The following NRXN1 variants were observed in gnomAD, a reference collection of about 807,000 sequenced individuals.
NRXN1 encodes neurexin 1.
NRXN1 carries 39 observed loss-of-function variants against 150.9 expected under a neutral mutation model. The observed-to-expected ratio is 0.26, with a 90% CI of 0.20 to 0.34. NRXN1 has a LOEUF of 0.34. Ranked by LOEUF, NRXN1 falls within the 10% of genes least tolerant of loss-of-function variation. The pLI is 1.00. For synonymous variants in NRXN1, 924 were observed against 757.0 expected (o/e 1.22, Z -3.62); for missense variants, 1,815 against 1,949.9 (o/e 0.93, Z 1.30).
intron 21 of NRXN1, among the ~76,000 whole-genome samples, chr2:49,987,400 A>G (rs1407461479): frequency 1.3e-5 from 2 of 152,194 alleles, no homozygotes; most frequent in Non-Finnish European, 2.9e-5. Context: ...CTCTGTTTTT[A>G]TAATATTTAG....
chr2:50,265,655 A>C (rs1574829113), intron 17 of NRXN1, among the ~76,000 whole-genome samples: 1 of 152,286 alleles, frequency 6.6e-6, no homozygotes, highest in East Asian at 1.9e-4. Context: ...ACATAGCACA[A>C]TTCTTCAGGT....
chr2:50,113,004 T>C (rs1283635348), intron 18 of NRXN1, among the ~76,000 whole-genome samples: 49 of 152,130 alleles, frequency 3.2e-4, no homozygotes, highest in Non-Finnish European at 2.9e-5. Flanking sequence ...CATTGCTCAT[T>C]ATCTCCAAAT....
chr2:50,637,069 T>C lies in NRXN1; in HGVS notation c.833-13454A>G, dbSNP rs545304748. On this transcript the variant is annotated intron_variant, in intron 5 of 22. Transcript: ENST00000401669. ...AGGAGCCCTAGGTTCAATTCCTCAC[T>C]TTATGGTTGGTGCTATATGTCCAAG... Among the ~76,000 whole-genome samples, 79 of 152,216 alleles carry C rather than the reference T, an allele frequency of 5.2e-4. 1 individual carries two copies. Among genetic ancestry groups the C allele is most frequent in the Admixed American group, 3.9e-3 (59 of 15,278 alleles).
At chr2:50,355,120 T>C (rs1204238449) in intron 17 of NRXN1, among the ~76,000 whole-genome samples, 1 of 152,028 alleles carries the variant, frequency 6.6e-6, no homozygotes, top group Non-Finnish European at 1.5e-5. Flanking sequence ...TGAATATATG[T>C]TGTAGAGCAT....
intron 18 of NRXN1, among the ~76,000 whole-genome samples, chr2:50,209,428 C>G (rs542365335): frequency 4.5e-4 from 68 of 152,222 alleles, no homozygotes; most frequent in Admixed American, 9.2e-4. Flanking sequence ...CAGTCTAACT[C>G]CATGACGTGG....
At chr2:50,178,563 G>C (rs1230527422) in intron 18 of NRXN1, among the ~76,000 whole-genome samples, 1 of 151,894 alleles carries the variant, frequency 6.6e-6, no homozygotes, top group Admixed American at 6.6e-5. Flanking sequence ...CATTAAACAG[G>C]GTTCAAAGGG....
intron 11 of NRXN1, chr2:50,528,995 G>A (rs749917187): frequency 3.4e-5 from 8 of 235,468 alleles, no homozygotes; most frequent in Non-Finnish European, 6.5e-5. Flanking sequence ...TCCGCAAAAT[G>A]TAAAAGTGCT....
At chr2:50,550,047 C>T (rs565718864) in intron 9 of NRXN1, among the ~76,000 whole-genome samples, 71 of 151,978 alleles carry the variant, frequency 4.7e-4, no homozygotes, top group Non-Finnish European at 8.7e-4. Context: ...TGAATACTTT[C>T]CTTTTTCTTT....
At chr2:50,408,246 A>T (rs2082895121) in intron 17 of NRXN1, among the ~76,000 whole-genome samples, 1 of 152,234 alleles carries the variant, frequency 6.6e-6, no homozygotes, top group African/African-American at 2.4e-5. Flanking sequence ...ATAGATTAAC[A>T]TGAGAATTTC....
intron 2 of NRXN1, among the ~76,000 whole-genome samples, chr2:50,939,903 A>G (rs967523511): frequency 1.3e-5 from 2 of 152,140 alleles, no homozygotes; most frequent in African/African-American, 2.4e-5. Flanking sequence ...CAACAGAACC[A>G]CCCACTGCAT....
intron 16 of NRXN1, among the ~76,000 whole-genome samples, chr2:50,468,368 T>C (rs996482526): frequency 5.3e-5 from 8 of 151,574 alleles, no homozygotes; most frequent in Non-Finnish European, 1.2e-4. Context: ...ACAATAGTCT[T>C]TATATTCAGG....
intron 13 of NRXN1, among the ~76,000 whole-genome samples, chr2:50,504,059 T>C (rs1326793642): frequency 1.3e-5 from 2 of 148,982 alleles, no homozygotes; most frequent in Admixed American, 1.3e-4. Context: ...ATTATATACT[T>C]CAACAATGTT....
intron 8 of NRXN1, among the ~76,000 whole-genome samples, chr2:50,602,567 GATT>G (rs1389388185): frequency 6.6e-6 from 1 of 152,016 alleles, no homozygotes; most frequent in Non-Finnish European, 1.5e-5. Context: ...CAAGAAAGAT[GATT>G]ATCAAAAGGA....
At chr2:50,362,434 G>C (rs973563758) in intron 17 of NRXN1, among the ~76,000 whole-genome samples, 1 of 152,058 alleles carries the variant, frequency 6.6e-6, no homozygotes, top group Non-Finnish European at 1.5e-5. Context: ...AAAATCACAA[G>C]CTTTCCTATA....
chr2:50,196,980 T>G (rs1471483417), intron 18 of NRXN1, among the ~76,000 whole-genome samples: 2 of 152,116 alleles, frequency 1.3e-5, no homozygotes, highest in African/African-American at 4.8e-5. Flanking sequence ...GCTTGGTGAT[T>G]AAATGATCTG....
chr2:50,065,290 T>C (rs1171558828), intron 19 of NRXN1, among the ~76,000 whole-genome samples: 1 of 152,174 alleles, frequency 6.6e-6, no homozygotes, highest in South Asian at 2.1e-4. Flanking sequence ...AAACTAATGC[T>C]GCATCATACA....
At chr2:50,865,270 GA>G (rs1336907271) in intron 5 of NRXN1, among the ~76,000 whole-genome samples, 18 of 151,924 alleles carry the variant, frequency 1.2e-4, no homozygotes, top group African/African-American at 4.1e-4. Context: ...TCTTAGACTA[GA>G]AATCCCTTGC....
At chr2:50,689,215 G>A (rs186616452) in intron 5 of NRXN1, among the ~76,000 whole-genome samples, 5 of 152,240 alleles carry the variant, frequency 3.3e-5, no homozygotes, top group African/African-American at 1.2e-4. Context: ...CAAGAAAACT[G>A]TACAGTCCTG....
intron 5 of NRXN1, among the ~76,000 whole-genome samples, chr2:50,883,160 A>G (rs1014210610): frequency 6.6e-6 from 1 of 151,814 alleles, no homozygotes; most frequent in Non-Finnish European, 1.5e-5. Flanking sequence ...TTTGTGACGA[A>G]TATTCTATTT....
Sources: allele counts gnomAD v4.1 joint callset (sites outside exome capture counted in the v4.1 genomes callset), GRCh38; gene constraint gnomAD v4.1.1; transcripts MANE v1.5; gene names NCBI Gene and HGNC (gene_info 2026-07-23, HGNC 2026-07-21).